The following SAMD12 variants were observed in gnomAD, a reference collection of about 807,000 sequenced individuals.
SAMD12 encodes the protein sterile alpha motif domain containing 12.
A neutral mutation model predicts 15.0 loss-of-function variants in SAMD12; 9 were observed. The observed-to-expected ratio is 0.60, with a 90% confidence interval of 0.36 to 1.05. SAMD12 has a LOEUF of 1.05. Ranked by LOEUF, SAMD12 falls within the 50% of genes least tolerant of loss-of-function variation. SAMD12 has a pLI of 0.01. For synonymous variants in SAMD12, 86 were observed against 90.1 expected (o/e 0.96, Z 0.25); for missense variants, 230 against 234.2 (o/e 0.98, Z 0.12).
chr8:118,397,642 A>G (rs148483653), intron 3 of SAMD12, among the ~76,000 whole-genome samples: 30 of 152,298 alleles, frequency 2.0e-4, no homozygotes, highest in African/African-American at 7.0e-4. Flanking sequence ...CATCAGTATT[A>G]TAATAAAAAC....
At chr8:118,617,301 C>T (rs563819092) in intron 1 of SAMD12, among the ~76,000 whole-genome samples, 9 of 152,322 alleles carry the variant, frequency 5.9e-5, no homozygotes, top group South Asian at 2.1e-4. Flanking sequence ...AAACGTTTGA[C>T]GCTATCTCAT....
chr8:118,281,353 G>A (rs1813641474), intron 4 of SAMD12, among the ~76,000 whole-genome samples: 1 of 152,160 alleles, frequency 6.6e-6, no homozygotes, highest in Admixed American at 6.5e-5. Flanking sequence ...TTCCTTCGAT[G>A]GCTTTTCCGT....
At chr8:118,362,768 A>G (rs1563796058) in intron 4 of SAMD12, among the ~76,000 whole-genome samples, 3 of 152,234 alleles carry the variant, frequency 2.0e-5, no homozygotes, top group African/African-American at 2.4e-5. Context: ...ATCAATTTCA[A>G]TTAAATCAAT....
chr8:118,396,578 A>C (rs1413045235), intron 3 of SAMD12, among the ~76,000 whole-genome samples: 1 of 152,188 alleles, frequency 6.6e-6, no homozygotes, highest in Admixed American at 6.5e-5. Context: ...TGAGAAAGGG[A>C]GAATACTATC....
chr8:118,261,417 A>G (rs781339938), intron 4 of SAMD12, among the ~76,000 whole-genome samples: 2 of 152,078 alleles, frequency 1.3e-5, no homozygotes, highest in Non-Finnish European at 2.9e-5. Flanking sequence ...ACATAATGAC[A>G]CTTGGGGAGA....
intron 1 of SAMD12, among the ~76,000 whole-genome samples, chr8:118,592,450 T>A (rs561128367): frequency 2.0e-5 from 3 of 152,166 alleles, no homozygotes; most frequent in Admixed American, 6.5e-5. Context: ...AATCTGGCTG[T>A]CCCCACTGAC....
At chr8:118,581,593 T>TG (rs1827298194) in intron 1 of SAMD12, among the ~76,000 whole-genome samples, 1 of 152,210 alleles carries the variant, frequency 6.6e-6, no homozygotes, top group South Asian at 2.1e-4. Context: ...CTCCATGCCC[T>TG]GTAACATAGA....
chr8:118,541,241 T>A (rs1825976586), intron 2 of SAMD12, among the ~76,000 whole-genome samples: 1 of 152,186 alleles, frequency 6.6e-6, no homozygotes, highest in African/African-American at 2.4e-5. Context: ...CTGTCCAAAG[T>A]CATACAAGAA....
chr8:118,279,039 A>C (rs754250917), intron 4 of SAMD12, among the ~76,000 whole-genome samples: 4 of 152,186 alleles, frequency 2.6e-5, no homozygotes, highest in Admixed American at 6.5e-5. Flanking sequence ...GGGTGTGTTT[A>C]TATAATCTGG....
rs77849037 is a variant in SAMD12, at chr8:118,554,960, C to G, written c.192+25755G>C. 6.4e-3 allele frequency among the ~76,000 whole-genome samples: 975 copies of G among 152,220 alleles called. 3 individuals carry two copies. The highest frequency in any genetic ancestry group is 0.022 in the African/African-American group (911 of 41,544). ...CAGATTTAGATTTGGATTTCTAACTCCTCTGTTTCTCTGGAGAACCCTGAG... is the reference window on the plus strand; with the variant it reads ...CAGATTTAGATTTGGATTTCTAACTGCTCTGTTTCTCTGGAGAACCCTGAG... On this transcript the variant is annotated intron_variant, in intron 2 of 3. Transcript: ENST00000314727.
intron 2 of SAMD12, among the ~76,000 whole-genome samples, chr8:118,474,109 C>A (rs1434765806): frequency 6.6e-6 from 1 of 152,000 alleles, no homozygotes; most frequent in African/African-American, 2.4e-5. Flanking sequence ...TAGGCACGCA[C>A]CACCCCATGC....
intron 3 of SAMD12, among the ~76,000 whole-genome samples, chr8:118,430,261 A>ATAT (rs1822359696): frequency 6.6e-6 from 1 of 152,206 alleles, no homozygotes; most frequent in Non-Finnish European, 1.5e-5. Context: ...TTCTACCTGA[A>ATAT]TATTATCAGT....
At chr8:118,232,060 C>A (rs1490455818) in intron 4 of SAMD12, among the ~76,000 whole-genome samples, 1 of 152,118 alleles carries the variant, frequency 6.6e-6, no homozygotes, top group Non-Finnish European at 1.5e-5. Flanking sequence ...GTTATCTGTG[C>A]AAGAAATAAA....
At chr8:118,176,486 A>C in the SAMD12 span, among the ~76,000 whole-genome samples, 4 of 152,206 alleles carry the variant, frequency 2.6e-5, no homozygotes, top group African/African-American at 9.7e-5. Flanking sequence ...CATAGCCATA[A>C]AAAAGAATGA....
chr8:118,245,455 G>T (rs975917780), intron 4 of SAMD12, among the ~76,000 whole-genome samples: 2 of 152,072 alleles, frequency 1.3e-5, no homozygotes, highest in African/African-American at 4.8e-5. Flanking sequence ...CACGTTACAC[G>T]GTTCATTTTA....
At chr8:118,197,526 C>A in exon 5 of SAMD12, 1 of 661,982 alleles carries the variant, frequency 1.5e-6, no homozygotes, top group Non-Finnish European at 2.7e-6. Flanking sequence ...TTTAAATCCA[C>A]AGCAAAGCAA....
At chr8:118,176,942 T>C in the SAMD12 span, among the ~76,000 whole-genome samples, 3 of 152,208 alleles carry the variant, frequency 2.0e-5, no homozygotes, top group Non-Finnish European at 2.9e-5. Flanking sequence ...AGTGGTCATT[T>C]GGGTGATGAA....
intron 1 of SAMD12, among the ~76,000 whole-genome samples, chr8:118,615,524 A>G (rs1828219036): frequency 1.3e-5 from 2 of 152,114 alleles, no homozygotes; most frequent in East Asian, 3.9e-4. Flanking sequence ...ACAGAAAGGC[A>G]CCATCTGCTT....
At chr8:118,409,460 G>A (rs1821294824) in intron 3 of SAMD12, among the ~76,000 whole-genome samples, 1 of 129,042 alleles carries the variant, frequency 7.7e-6, no homozygotes, top group South Asian at 2.9e-4. Flanking sequence ...CTTTCATTAT[G>A]GTGTATATTT....
Sources: allele counts gnomAD v4.1 joint callset (sites outside exome capture counted in the v4.1 genomes callset), GRCh38; gene constraint gnomAD v4.1.1; transcripts MANE v1.5; gene names NCBI Gene and HGNC (gene_info 2026-07-23, HGNC 2026-07-21).